The following DACH2 variants were observed in gnomAD, a reference collection of about 807,000 sequenced individuals.
The protein encoded by DACH2 is dachshund family transcription factor 2.
In DACH2, 17 loss-of-function variants were observed where a neutral mutation model predicts 35.8. The ratio of observed to expected loss-of-function variants is 0.48; its 90% CI spans 0.33 to 0.71. The LOEUF (loss-of-function observed/expected upper bound fraction) is 0.71. DACH2 is among the 30% of genes least tolerant of loss of function. DACH2 has a pLI of 0.02. For missense variants in DACH2, 469 were observed against 472.7 expected (o/e 0.99, Z 0.07); for synonymous variants, 195 against 177.3 (o/e 1.10, Z -0.79).
chrX:86,251,735 C>G (rs965913972), intron 1 of DACH2, among the ~76,000 whole-genome samples: 1 of 111,622 alleles, frequency 9.0e-6, no homozygotes, highest in Non-Finnish European at 1.9e-5. Context: ...TTTATCCACT[C>G]GTTGATTGAT....
chrX:86,399,605 G>C (rs894478115), intron 2 of DACH2, among the ~76,000 whole-genome samples: 4 of 111,390 alleles, frequency 3.6e-5, no homozygotes, highest in Non-Finnish European at 7.5e-5. Flanking sequence ...GCATTTGCTT[G>C]TCTGTAAAGG....
At chrX:86,562,349 T>C (rs2039234778) in intron 3 of DACH2, among the ~76,000 whole-genome samples, 1 of 111,626 alleles carries the variant, frequency 9.0e-6, no homozygotes, top group Admixed American at 9.6e-5. Flanking sequence ...TGAGAAAAGA[T>C]AGCACAATTT....
chrX:86,401,554 G>T (rs911166358), intron 2 of DACH2, among the ~76,000 whole-genome samples: 12 of 111,462 alleles, frequency 1.1e-4, no homozygotes, highest in Admixed American at 3.8e-4. Context: ...GAAATTAATG[G>T]TTGCTTTAAA....
intron 1 of DACH2, among the ~76,000 whole-genome samples, chrX:86,192,636 G>T (rs773997769): frequency 8.9e-5 from 10 of 112,033 alleles, no homozygotes; most frequent in Non-Finnish European, 1.7e-4. Context: ...TTAACTCTAT[G>T]TAACCGTCTA....
intron 2 of DACH2, among the ~76,000 whole-genome samples, chrX:86,494,397 T>C (rs2148249304): frequency 8.9e-6 from 1 of 112,074 alleles, no homozygotes; most frequent in Non-Finnish European, 1.9e-5. Context: ...TCTTTTTTTC[T>C]CAGCATCAAA....
At chrX:86,410,939 G>T (rs1466273048) in intron 2 of DACH2, among the ~76,000 whole-genome samples, 2 of 101,099 alleles carry the variant, frequency 2.0e-5, no homozygotes, top group Admixed American at 2.3e-4. Context: ...GTACATCTGT[G>T]CTAATCATAT....
chrX:86,679,662 T>G, intron 4 of DACH2, among the ~76,000 whole-genome samples: 1 of 95,819 alleles, frequency 1.0e-5, no homozygotes, highest in Admixed American at 1.1e-4. Context: ...GTGTGTGTAT[T>G]CCCAAATATA....
At chrX:86,267,348 CT>C (rs1255308357) in intron 1 of DACH2, among the ~76,000 whole-genome samples, 2 of 111,559 alleles carry the variant, frequency 1.8e-5, no homozygotes, top group Admixed American at 1.9e-4. Context: ...TGAGGATGGT[CT>C]TGATTATTTA....
chrX:86,420,310 G>A (rs770914635), intron 2 of DACH2, among the ~76,000 whole-genome samples: 12 of 111,544 alleles, frequency 1.1e-4, no homozygotes, highest in Non-Finnish European at 2.1e-4. Context: ...TTTTTCTTTT[G>A]GCCAGAAATA....
chrX:86,721,648 T>G (rs1202417526), intron 6 of DACH2, among the ~76,000 whole-genome samples: 1 of 111,755 alleles, frequency 8.9e-6, no homozygotes, highest in Non-Finnish European at 1.9e-5. Flanking sequence ...GTTCCAAAGT[T>G]GCTTCCACAT....
At chrX:86,446,348 G>T (rs373121178) in intron 2 of DACH2, among the ~76,000 whole-genome samples, 18 of 80,327 alleles carry the variant, frequency 2.2e-4, no homozygotes, top group Middle Eastern at 6.6e-3. Flanking sequence ...CATTGTGCAG[G>T]TTAGTTACAT....
chrX:86,196,477 G>A (rs967749071), intron 1 of DACH2, among the ~76,000 whole-genome samples: 9 of 108,779 alleles, frequency 8.3e-5, no homozygotes, highest in African/African-American at 2.7e-4. Flanking sequence ...TGGATCATGA[G>A]GTCAGGAGAT....
At chrX:86,258,951 T>C (rs142103562) in intron 1 of DACH2, among the ~76,000 whole-genome samples, 50 of 111,890 alleles carry the variant, frequency 4.5e-4, no homozygotes, top group African/African-American at 1.5e-3. Context: ...TTGGTTAACT[T>C]TTGAGTAGGT....
At chrX:86,479,461 G>C (rs2037903092) in intron 2 of DACH2, among the ~76,000 whole-genome samples, 1 of 110,994 alleles carries the variant, frequency 9.0e-6, no homozygotes, top group Non-Finnish European at 1.9e-5. Context: ...AGTCTTTTTT[G>C]GGGTTAAAAC....
At chrX:86,469,152 G>T (rs1231893327) in intron 2 of DACH2, among the ~76,000 whole-genome samples, 1 of 111,131 alleles carries the variant, frequency 9.0e-6, no homozygotes, top group East Asian at 2.8e-4. Context: ...GTGTGAAAAA[G>T]TCAAATTCAT....
intron 3 of DACH2, among the ~76,000 whole-genome samples, chrX:86,565,159 A>G (rs1388457413): frequency 1.8e-5 from 2 of 111,775 alleles, no homozygotes; most frequent in Non-Finnish European, 3.8e-5. Flanking sequence ...TTGAAAAATA[A>G]AGAAGATAAA....
chrX:86,343,004 G>A (rs1363943368), intron 1 of DACH2, among the ~76,000 whole-genome samples: 1 of 111,224 alleles, frequency 9.0e-6, no homozygotes, highest in Non-Finnish European at 1.9e-5. Context: ...ATATACATTG[G>A]CTTTTTAGAC....
At chrX:86,180,995 A>G (rs2031470636) in intron 1 of DACH2, among the ~76,000 whole-genome samples, 1 of 110,507 alleles carries the variant, frequency 9.0e-6, no homozygotes, top group African/African-American at 3.3e-5. Flanking sequence ...GTCCCTTAGA[A>G]CTTATTCCAT....
chrX:86,433,429 C>G (rs1342119669), intron 2 of DACH2, among the ~76,000 whole-genome samples: 1 of 111,442 alleles, frequency 9.0e-6, no homozygotes, highest in South Asian at 3.7e-4. Flanking sequence ...TATGTCCAAA[C>G]AAAATAATGT....
Sources: gnomAD v4.1 joint callset for allele counts (sites outside exome capture counted in the v4.1 genomes callset) on GRCh38, gnomAD v4.1.1 for gene constraint, MANE v1.5 for transcripts, NCBI Gene and HGNC (gene_info 2026-07-23, HGNC 2026-07-21) for gene names.